The following EYA1 variants were observed in gnomAD, a reference collection of about 807,000 sequenced individuals.
The protein encoded by EYA1 is EYA transcriptional coactivator and phosphatase 1.
Under a neutral mutation model 82.0 loss-of-function variants are expected in EYA1, and 16 were observed. The observed-to-expected ratio is 0.20, with a 90% CI of 0.13 to 0.30. EYA1 has a LOEUF of 0.30. EYA1 is among the 10% of genes least tolerant of loss of function. The pLI, the probability that EYA1 is intolerant of heterozygous loss-of-function variation, is 1.00. For missense variants in EYA1, 633 were observed against 730.7 expected, an observed-to-expected ratio of 0.87 and a Z score of 1.54; for synonymous variants, 261 against 264.4, an observed-to-expected ratio of 0.99 and a Z score of 0.12.
rs1814918915 is a variant in EYA1 at position 71,260,105 on chromosome 8, T to TA, written c.1050+9634dup. ...ATTGTTCCTATTTTTAATGTAGCTC[T>TA]AGTTTTTATTTATGCACCCTTGCAC... On this transcript the variant is annotated intron_variant, in intron 11 of 17. Coordinates refer to ENST00000340726, the MANE Select transcript of EYA1 (RefSeq NM_000503.6). 5.9e-5 allele frequency among the ~76,000 whole-genome samples: 9 copies of TA among 152,362 alleles called. No individual in the cohort carries two copies. The South Asian group carries it at 1.9e-3, about 32-fold the overall frequency.
intron 2 of EYA1, among the ~76,000 whole-genome samples, chr8:71,435,671 T>C (rs1306380838): frequency 1.3e-5 from 2 of 152,068 alleles, no homozygotes; most frequent in Non-Finnish European, 2.9e-5. Context: ...GAACTCTATA[T>C]AAGCATAATT....
chr8:71,349,264 C>CT lies in EYA1; in HGVS notation c.124+5517_124+5518insA, dbSNP rs1297801845. ...ATCCTTATAATGAAGTCCTTGTCAT[C>CT]AAAGCCTCTGCCACTGGTTCTTGCA... On this transcript the variant is annotated intron_variant, in intron 3 of 17. Coordinates refer to ENST00000340726, the MANE Select transcript of EYA1 (RefSeq NM_000503.6). 1.2e-4 allele frequency among the ~76,000 whole-genome samples: 19 copies of CT among 152,326 alleles called. No homozygotes were observed. In the East Asian group the frequency reaches 3.7e-3, roughly 29 times the overall value.
At chr8:71,504,075 A>C (rs1200844662) in intron 2 of EYA1, among the ~76,000 whole-genome samples, 2 of 152,136 alleles carry the variant, frequency 1.3e-5, no homozygotes, top group Admixed American at 6.5e-5. Context: ...CTTTTTATGA[A>C]ATTATCATTC....
At chr8:71,538,868 C>T (rs1433073847) in intron 1 of EYA1, among the ~76,000 whole-genome samples, 1 of 152,072 alleles carries the variant, frequency 6.6e-6, no homozygotes, top group African/African-American at 2.4e-5. Flanking sequence ...CAGACAGGTG[C>T]CATAAGTGTG....
intron 2 of EYA1, among the ~76,000 whole-genome samples, chr8:71,399,834 T>G (rs1248005243): frequency 6.6e-6 from 1 of 152,182 alleles, no homozygotes; most frequent in Non-Finnish European, 1.5e-5. Context: ...AGAGCCTGTA[T>G]AGCCAAGACA....
chr8:71,341,387 C>T (rs930345406), intron 3 of EYA1, among the ~76,000 whole-genome samples: 1 of 151,912 alleles, frequency 6.6e-6, no homozygotes, highest in Non-Finnish European at 1.5e-5. Flanking sequence ...AACCATGAGG[C>T]AGAAATAGAA....
chr8:71,322,004 A>T, intron 5 of EYA1, 125 bp from the exon 6 acceptor site: 1 of 1,351,734 alleles, frequency 7.4e-7, no homozygotes, highest in Non-Finnish European at 1.1e-6. Flanking sequence ...TTCACACAGA[A>T]TTGACAAAGC....
intron 2 of EYA1, among the ~76,000 whole-genome samples, chr8:71,423,209 A>G (rs756859549): frequency 6.6e-6 from 1 of 152,198 alleles, no homozygotes; most frequent in East Asian, 1.9e-4. Flanking sequence ...GAGCTCTTAC[A>G]GGGCAAAACT....
intron 11 of EYA1, among the ~76,000 whole-genome samples, chr8:71,246,514 C>T (rs1813113310): frequency 6.6e-6 from 1 of 152,118 alleles, no homozygotes. Flanking sequence ...CTAGACATGC[C>T]CGTGTGTTAC....
chr8:71,497,661 G>A (rs182898517), intron 2 of EYA1, among the ~76,000 whole-genome samples: 1 of 151,982 alleles, frequency 6.6e-6, no homozygotes. Context: ...CACTAAGGAG[G>A]TTCCTCAAAA....
chr8:71,509,692 C>T (rs567307702), intron 2 of EYA1, among the ~76,000 whole-genome samples: 38 of 152,218 alleles, frequency 2.5e-4, no homozygotes, highest in African/African-American at 8.2e-4. Context: ...TATTTTTACA[C>T]GCTTCAGTAA....
At chr8:71,442,333 G>C (rs1037974644) in intron 2 of EYA1, among the ~76,000 whole-genome samples, 8 of 152,130 alleles carry the variant, frequency 5.3e-5, no homozygotes, top group African/African-American at 1.9e-4. Context: ...TTTGAATCTG[G>C]AGGCAAGTGA....
Position 71,434,481 on chromosome 8 carries a change from C to T in EYA1, c.34-77970G>A, listed in dbSNP as rs1008100892. ...ATGGCATCAATTTAACTCCAAAAAC[C>T]TATTGACATTGGTTTGCTTGGTAAA... On this transcript the variant is annotated intron_variant, in intron 2 of 18. Transcript: ENST00000643681. Among the ~76,000 whole-genome samples the T allele has an allele frequency of 6.8e-4, 104 of 152,114 alleles. 1 individual carries two copies. Among genetic ancestry groups the T allele is most frequent in the African/African-American group, 2.2e-3 (92 of 41,442 alleles).
intron 2 of EYA1, among the ~76,000 whole-genome samples, chr8:71,376,106 A>C (rs1828354125): frequency 1.3e-5 from 2 of 152,348 alleles, no homozygotes; most frequent in African/African-American, 4.8e-5. Context: ...CGAAGCAGTG[A>C]GTGCTATTAT....
chr8:71,213,693 C>G (rs570355469), intron 16 of EYA1, among the ~76,000 whole-genome samples: 2 of 152,308 alleles, frequency 1.3e-5, no homozygotes, highest in African/African-American at 4.8e-5. Context: ...CCATCAGCAC[C>G]CTGCTGACTG....
At chr8:71,249,118 G>A (rs1293126922) in intron 11 of EYA1, among the ~76,000 whole-genome samples, 3 of 152,062 alleles carry the variant, frequency 2.0e-5, no homozygotes, top group Non-Finnish European at 2.9e-5. Flanking sequence ...ATTGCCAAAT[G>A]TTCTCATTCT....
intron 11 of EYA1, among the ~76,000 whole-genome samples, chr8:71,264,772 G>A (rs544196284): frequency 6.6e-6 from 1 of 151,682 alleles, no homozygotes; most frequent in South Asian, 2.1e-4. Context: ...TTGTAGCGAT[G>A]GACTCTTGCC....
intron 2 of EYA1, among the ~76,000 whole-genome samples, chr8:71,443,766 C>T (rs1278017293): frequency 6.6e-6 from 1 of 152,154 alleles, no homozygotes. Context: ...CCAGTTGGGT[C>T]CACCCTTAAA....
chr8:71,500,396 T>C (rs1323068558), intron 2 of EYA1, among the ~76,000 whole-genome samples: 2 of 152,226 alleles, frequency 1.3e-5, no homozygotes, highest in East Asian at 3.8e-4. Flanking sequence ...TTCTTGAGTC[T>C]TGATTTTTCA....
Sources: allele counts gnomAD v4.1 joint callset (sites outside exome capture counted in the v4.1 genomes callset), GRCh38; gene constraint gnomAD v4.1.1; transcripts MANE v1.5; gene names NCBI Gene and HGNC (gene_info 2026-07-23, HGNC 2026-07-21).